ADGB: variants seen among roughly 807,000 people sequenced by gnomAD.
ADGB encodes the protein calpain-7-like protein.
A neutral mutation model predicts 210.5 loss-of-function variants in ADGB; 172 were observed. The observed-to-expected ratio is 0.82, with a 90% CI of 0.72 to 0.93. The LOEUF is 0.93. Among genes scored for constraint, ADGB ranks in the 40% least tolerant of loss-of-function variants. The pLI, the probability that ADGB is intolerant of heterozygous loss-of-function variation, is 0.00. For synonymous variants in ADGB, 658 were observed against 662.7 expected (o/e 0.99, Z 0.11); for missense variants, 2,025 against 1,964.8 (o/e 1.03, Z -0.58).
chr6:146,710,912 T>C (rs1463690384), intron 13 of ADGB, among the ~76,000 whole-genome samples: 1 of 152,162 alleles, frequency 6.6e-6, no homozygotes, highest in East Asian at 1.9e-4. Context: ...TATTTTATTA[T>C]ATTTTGTTTC....
chr6:146,622,339 G>A (rs1228904319), intron 1 of ADGB, among the ~76,000 whole-genome samples: 1 of 152,054 alleles, frequency 6.6e-6, no homozygotes, highest in Non-Finnish European at 1.5e-5. Context: ...GCTGGGCTGG[G>A]TTCTTACCTG....
At chr6:146,703,186 T>C (rs1776517122) in intron 13 of ADGB, among the ~76,000 whole-genome samples, 1 of 151,940 alleles carries the variant, frequency 6.6e-6, no homozygotes, top group South Asian at 2.1e-4. Flanking sequence ...GGAGACTTAT[T>C]CTTTATTAGA....
At chr6:146,775,400 C>A (rs1777708039) in intron 29 of ADGB, among the ~76,000 whole-genome samples, 1 of 151,964 alleles carries the variant, frequency 6.6e-6, no homozygotes, top group Non-Finnish European at 1.5e-5. Context: ...AACAGTGCCA[C>A]CTTTAGTATA....
chr6:146,767,639 T>C (rs1289759258), intron 28 of ADGB, among the ~76,000 whole-genome samples: 1 of 152,096 alleles, frequency 6.6e-6, no homozygotes, highest in Non-Finnish European at 1.5e-5. Flanking sequence ...CGGCTAATAT[T>C]TTTTGTATTT....
intron 27 of ADGB, among the ~76,000 whole-genome samples, chr6:146,758,180 T>A (rs1359310889): frequency 6.6e-6 from 1 of 152,112 alleles, no homozygotes; most frequent in African/African-American, 2.4e-5. Flanking sequence ...TTCTAGTTTT[T>A]TCTTTAGATA....
chr6:146,666,139 C>T (rs1775934363), intron 6 of ADGB, among the ~76,000 whole-genome samples: 1 of 151,996 alleles, frequency 6.6e-6, no homozygotes, highest in Admixed American at 6.6e-5. Context: ...TTAACACTAC[C>T]ACTGACGGAT....
intron 29 of ADGB, among the ~76,000 whole-genome samples, chr6:146,776,669 A>C (rs925668042): frequency 6.6e-6 from 1 of 152,162 alleles, no homozygotes; most frequent in East Asian, 1.9e-4. Context: ...AACACTAAAA[A>C]CTATGTGTAG....
chr6:146,803,285 A>T (rs1778159532), intron 35 of ADGB: 2 of 1,605,910 alleles, frequency 1.2e-6, no homozygotes, highest in East Asian at 4.5e-5. Context: ...AAAAAAACCC[A>T]CTATATTTTG....
chr6:146,611,556 A>G (rs1780711584), intron 1 of ADGB, among the ~76,000 whole-genome samples: 2 of 152,120 alleles, frequency 1.3e-5, no homozygotes, highest in Admixed American at 6.5e-5. Flanking sequence ...CTCCATGCCT[A>G]TTTATCTCAC....
At chr6:146,738,989 A>C (rs4896887) in intron 23 of ADGB, among the ~76,000 whole-genome samples, 62,903 of 152,018 alleles carry the variant, frequency 0.41, 13,305 homozygotes, top group East Asian at 0.62. Context: ...ATTAAGACTA[A>C]ATCTTCCAAC....
intron 8 of ADGB, among the ~76,000 whole-genome samples, chr6:146,674,541 G>A (rs776097438): frequency 8.5e-5 from 13 of 152,150 alleles, no homozygotes; most frequent in Non-Finnish European, 1.3e-4. Context: ...ACAGGTGTAG[G>A]TGGGTAAACG....
rs573062881 is a variant in ADGB, at chr6:146,656,688, G to T, written c.403-83G>T. On this transcript the variant is annotated intron_variant, in intron 4 of 35. Transcript: ENST00000397944. ...TAATTTAATATTATTCTTGGAAGTG[G>T]ATTTTTTTACTGTTTTTATCCCTAA... 35 of 933,954 alleles carry T rather than the reference G, an allele frequency of 3.7e-5. 1 individual carries two copies. The Admixed American group carries it at 1.1e-3, about 30-fold the overall frequency. The allele number at this position is 933,954 out of a possible 1,614,324, so 57.9% of individuals were successfully genotyped here.
chr6:146,789,727 G>A (rs1777928085), intron 33 of ADGB, among the ~76,000 whole-genome samples: 2 of 152,112 alleles, frequency 1.3e-5, no homozygotes, highest in South Asian at 2.1e-4. Flanking sequence ...TATTTAATTT[G>A]TAGAGTAATT....
At chr6:146,764,263 C>A (rs1395685818) in intron 28 of ADGB, among the ~76,000 whole-genome samples, 163 bp downstream of exon 28, 1 of 152,104 alleles carries the variant, frequency 6.6e-6, no homozygotes, top group Non-Finnish European at 1.5e-5. Flanking sequence ...GTGCCAAGAT[C>A]TTTAAATACA....
chr6:146,810,586 G>GTATATA (rs61479265), intron 35 of ADGB, among the ~76,000 whole-genome samples: 1 of 149,716 alleles, frequency 6.7e-6, no homozygotes, highest in Non-Finnish European at 1.5e-5. Flanking sequence ...AGAAAATGTG[G>GTATATA]TATATATATA....
intron 8 of ADGB, 70 bp from the exon 9 acceptor site, chr6:146,676,243 A>G (rs1190302222): frequency 7.4e-7 from 1 of 1,351,510 alleles, no homozygotes; most frequent in Non-Finnish European, 9.8e-7. Flanking sequence ...CTTTAAGACA[A>G]TGACTGAATA....
chr6:146,598,995 C>T lies in ADGB; in HGVS notation c.-46C>T. ...GCAGACGCGGAGCCGAGCGCGCCCG[C>T]AGGCTCTTTGCTCAGAGCTCAGCCC... On this transcript the variant is annotated 5_prime_UTR_variant, in exon 1 of 36. Coordinates refer to ENST00000397944, the MANE Select transcript of ADGB (RefSeq NM_024694.4). The T allele has an allele frequency of 6.6e-7, 1 of 1,516,378 alleles. No individual in the cohort carries two copies. Among genetic ancestry groups the T allele is most frequent in the Non-Finnish European group, 9.0e-7 (1 of 1,115,514 alleles). 93.9% of individuals were successfully genotyped at this position (1,516,378 alleles called of 1,614,324 possible).
intron 28 of ADGB, among the ~76,000 whole-genome samples, chr6:146,764,760 C>A (rs1313010504): frequency 1.3e-5 from 2 of 152,176 alleles, no homozygotes; most frequent in East Asian, 3.9e-4. Flanking sequence ...ACATACCTGG[C>A]AAATATGAAC....
At chr6:146,728,265 C>T (rs1444191759) in intron 19 of ADGB, among the ~76,000 whole-genome samples, 3 of 152,134 alleles carry the variant, frequency 2.0e-5, no homozygotes, top group Non-Finnish European at 4.4e-5. Context: ...AAACTCCACA[C>T]AGTTTTTTGT....
Sources: allele counts gnomAD v4.1 joint callset (sites outside exome capture counted in the v4.1 genomes callset), GRCh38; gene constraint gnomAD v4.1.1; transcripts MANE v1.5; gene names NCBI Gene and HGNC (gene_info 2026-07-23, HGNC 2026-07-21).